Variants in RARB observed in about 807,000 individuals in gnomAD.
The protein encoded by RARB is retinoic acid receptor beta, also known as HBV-activated protein.
RARB carries 17 observed loss-of-function variants against 51.9 expected under a neutral mutation model. The observed-to-expected ratio is 0.33, with a 90% CI of 0.22 to 0.49. The LOEUF is 0.49. RARB is among the 20% of genes least tolerant of loss of function. The pLI is 0.99. For missense variants in RARB, 369 were observed against 550.8 expected (o/e 0.67, Z 3.30); for synonymous variants, 215 against 195.4 (o/e 1.10, Z -0.84).
chr3:25,368,540 A>G (rs1407008804), intron 5 of RARB, among the ~76,000 whole-genome samples: 2 of 152,214 alleles, frequency 1.3e-5, no homozygotes, highest in East Asian at 1.9e-4. Flanking sequence ...TAATATATCT[A>G]TGCACCAATG....
At chr3:24,840,765 A>T (rs78895663) in intron 1 of RARB, among the ~76,000 whole-genome samples, 2 of 151,556 alleles carry the variant, frequency 1.3e-5, no homozygotes, top group East Asian at 3.9e-4. Context: ...AAAAAAAAAA[A>T]AATGCAAAGA....
chr3:25,312,788 G>A (rs936124546), intron 5 of RARB, among the ~76,000 whole-genome samples: 1 of 152,170 alleles, frequency 6.6e-6, no homozygotes, highest in African/African-American at 2.4e-5. Context: ...ACATTCCCAC[G>A]CAGCCACAGC....
At chr3:25,026,655 CA>C (rs1697756798) in intron 2 of RARB, among the ~76,000 whole-genome samples, 1 of 152,170 alleles carries the variant, frequency 6.6e-6, no homozygotes, top group Non-Finnish European at 1.5e-5. Flanking sequence ...AGGGCTTTAA[CA>C]TATAAATTTT....
At chr3:25,066,557 G>A (rs1452619305) in intron 3 of RARB, among the ~76,000 whole-genome samples, 1 of 151,678 alleles carries the variant, frequency 6.6e-6, no homozygotes, top group Non-Finnish European at 1.5e-5. Context: ...TTACTCTCCT[G>A]ATTCTGTGTG....
intron 2 of RARB, among the ~76,000 whole-genome samples, chr3:25,023,165 C>T (rs1310248926): frequency 6.6e-6 from 1 of 152,068 alleles, no homozygotes; most frequent in Non-Finnish European, 1.5e-5. Flanking sequence ...GTCTCAAGTC[C>T]ATAGTAGGCC....
chr3:24,896,088 C>G (rs760421125), intron 2 of RARB, among the ~76,000 whole-genome samples: 1 of 152,208 alleles, frequency 6.6e-6, no homozygotes, highest in East Asian at 1.9e-4. Context: ...TGACATTATA[C>G]TAAGTAAAAT....
At chr3:24,937,662 A>C (rs1695573985) in intron 2 of RARB, among the ~76,000 whole-genome samples, 1 of 152,168 alleles carries the variant, frequency 6.6e-6, no homozygotes, top group Admixed American at 6.5e-5. Context: ...AGAACCGTTC[A>C]GGGAGATAGC....
At chr3:25,267,773 G>T (rs1057225435) in intron 5 of RARB, among the ~76,000 whole-genome samples, 2 of 152,098 alleles carry the variant, frequency 1.3e-5, no homozygotes. Flanking sequence ...ATAATTTATG[G>T]TTACTCCAGT....
At chr3:25,066,791 C>T (rs1287110044) in intron 3 of RARB, among the ~76,000 whole-genome samples, 2 of 151,730 alleles carry the variant, frequency 1.3e-5, no homozygotes, top group Non-Finnish European at 2.9e-5. Context: ...TGTTAATTGC[C>T]ATATTATACT....
chr3:25,239,098 A>G (rs539825915), intron 5 of RARB, among the ~76,000 whole-genome samples: 1 of 152,158 alleles, frequency 6.6e-6, no homozygotes, highest in Non-Finnish European at 1.5e-5. Context: ...GACCATTTGT[A>G]TGTTTTCTTT....
rs79492170 is a variant in RARB at position 24,922,444 on chromosome 3, T to C, written c.-380+63692T>C. ...ATTGTGCTGAGCATGTATCAAATCATTTAATCCTCACAGCAGTCGTAGGCC... is the reference window on the plus strand; with the variant it reads ...ATTGTGCTGAGCATGTATCAAATCACTTAATCCTCACAGCAGTCGTAGGCC... On this transcript the variant is annotated intron_variant, in intron 2 of 11. Coordinates refer to the RARB transcript ENST00000383772. Among the ~76,000 whole-genome samples the C allele has an allele frequency of 1.8e-3, 275 of 152,320 alleles. 1 individual carries two copies. Among genetic ancestry groups the C allele is most frequent in the African/African-American group, 6.0e-3 (251 of 41,582 alleles).
At chr3:25,051,186 G>A (rs182590865) in intron 2 of RARB, among the ~76,000 whole-genome samples, 1 of 152,296 alleles carries the variant, frequency 6.6e-6, no homozygotes, top group African/African-American at 2.4e-5. Context: ...GGAAAAGCAG[G>A]TGTTGAGATA....
chr3:25,520,166 C>A (rs761230427), intron 3 of RARB, among the ~76,000 whole-genome samples: 17 of 152,236 alleles, frequency 1.1e-4, no homozygotes, highest in Non-Finnish European at 2.5e-4. Flanking sequence ...TATCTACTAT[C>A]TGGCCCTTTA....
intron 5 of RARB, among the ~76,000 whole-genome samples, chr3:25,320,566 G>C (rs1575309935): frequency 3.3e-5 from 5 of 152,124 alleles, no homozygotes; most frequent in Admixed American, 3.3e-4. Flanking sequence ...CCATTTTCTT[G>C]CATTTTACTT....
chr3:24,894,453 C>T (rs1292423800), intron 2 of RARB, among the ~76,000 whole-genome samples: 2 of 152,112 alleles, frequency 1.3e-5, no homozygotes, highest in Non-Finnish European at 2.9e-5. Context: ...TTTTATTCTT[C>T]TTTATGGCTG....
intron 2 of RARB, among the ~76,000 whole-genome samples, chr3:25,052,045 C>A (rs1171101411): frequency 6.6e-6 from 1 of 152,136 alleles, no homozygotes; most frequent in African/African-American, 2.4e-5. Flanking sequence ...AATGGAGGCT[C>A]CATCTCGGTA....
chr3:25,575,116 T>C (rs1464562998), intron 4 of RARB, among the ~76,000 whole-genome samples: 2 of 152,146 alleles, frequency 1.3e-5, no homozygotes, highest in Non-Finnish European at 2.9e-5. Context: ...GGCTTGGGGA[T>C]AGTTTCAGGA....
chr3:25,250,894 C>T (rs1266315029), intron 5 of RARB, among the ~76,000 whole-genome samples: 1 of 152,178 alleles, frequency 6.6e-6, no homozygotes, highest in African/African-American at 2.4e-5. Flanking sequence ...TGGTGGGAAT[C>T]TGTAGCAATT....
intron 5 of RARB, among the ~76,000 whole-genome samples, chr3:25,289,447 C>G (rs1055091090): frequency 6.6e-6 from 1 of 152,208 alleles, no homozygotes; most frequent in Non-Finnish European, 1.5e-5. Flanking sequence ...GGTCTGTCCA[C>G]AGATGTCTTT....
Sources: allele counts gnomAD v4.1 joint callset (sites outside exome capture counted in the v4.1 genomes callset), GRCh38; gene constraint gnomAD v4.1.1; transcripts MANE v1.5; gene names NCBI Gene and HGNC (gene_info 2026-07-23, HGNC 2026-07-21).